TENM2: variants seen among roughly 807,000 people sequenced by gnomAD.
TENM2 encodes teneurin transmembrane protein 2.
TENM2 carries 52 observed loss-of-function variants against 245.2 expected under a neutral mutation model. That is an observed-to-expected ratio of 0.21 (90% CI 0.17 to 0.27). The LOEUF is 0.27. Among genes scored for constraint, TENM2 ranks in the 10% least tolerant of loss-of-function variants. The pLI is 1.00. For synonymous variants in TENM2, 1,363 were observed against 1,438.9 expected, an observed-to-expected ratio of 0.95 and a Z score of 1.19; for missense variants, 3,046 against 3,666.8, an observed-to-expected ratio of 0.83 and a Z score of 4.37.
the TENM2 span, among the ~76,000 whole-genome samples, chr5:167,149,935 G>A: frequency 4.6e-5 from 7 of 152,120 alleles, no homozygotes; most frequent in African/African-American, 1.4e-4. Context: ...GGAGGGCATG[G>A]CACAAAGTGA....
intron 2 of TENM2, among the ~76,000 whole-genome samples, chr5:167,554,406 T>C (rs890682662): frequency 6.6e-6 from 1 of 152,208 alleles, no homozygotes; most frequent in Non-Finnish European, 1.5e-5. Context: ...GATCAGATGC[T>C]TAGATTCTGT....
chr5:167,663,198 A>ATGAAT (rs1755356085), intron 2 of TENM2, among the ~76,000 whole-genome samples: 1 of 113,498 alleles, frequency 8.8e-6, no homozygotes, highest in African/African-American at 3.2e-5. Context: ...AAGAGAGAGA[A>ATGAAT]TGAATGCCTG....
chr5:168,221,163 G>T (rs1430770938), intron 23 of TENM2, among the ~76,000 whole-genome samples: 1 of 151,970 alleles, frequency 6.6e-6, no homozygotes, highest in African/African-American at 2.4e-5. Flanking sequence ...TTCAGTGAGA[G>T]CTTCCTTAGG....
At chr5:167,824,942 T>A (rs955688049) in intron 2 of TENM2, among the ~76,000 whole-genome samples, 1 of 152,194 alleles carries the variant, frequency 6.6e-6, no homozygotes, top group African/African-American at 2.4e-5. Context: ...AACAGGCGCC[T>A]GCAAAGGGAA....
At chr5:167,874,188 G>A (rs1773225645) in intron 2 of TENM2, among the ~76,000 whole-genome samples, 1 of 152,108 alleles carries the variant, frequency 6.6e-6, no homozygotes, top group Admixed American at 6.6e-5. Flanking sequence ...GTCATTACAT[G>A]CCGCTATTCT....
At chr5:167,404,800 G>A (rs888050903) in intron 2 of TENM2, among the ~76,000 whole-genome samples, 11 of 152,066 alleles carry the variant, frequency 7.2e-5, no homozygotes, top group Admixed American at 2.6e-4. Context: ...TTCACATAAC[G>A]TGCAATTCAC....
chr5:167,112,953 G>A, the TENM2 span, among the ~76,000 whole-genome samples: 1 of 152,186 alleles, frequency 6.6e-6, no homozygotes, highest in Middle Eastern at 3.2e-3. Context: ...AAGGGTAAAA[G>A]TGAGAGAGAA....
chr5:167,562,500 CACTA>C (rs1251991909), intron 2 of TENM2, among the ~76,000 whole-genome samples: 8 of 152,126 alleles, frequency 5.3e-5, no homozygotes, highest in African/African-American at 1.9e-4. Flanking sequence ...GTCTGTTCTG[CACTA>C]ACTAAGGTAA....
chr5:167,458,018 T>C (rs539896559), intron 2 of TENM2, among the ~76,000 whole-genome samples: 87 of 152,300 alleles, frequency 5.7e-4, no homozygotes, highest in African/African-American at 2.0e-3. Flanking sequence ...GACATTTTAC[T>C]AATTGTCTTA....
chr5:168,144,569 C>T (rs1755871311), intron 12 of TENM2, among the ~76,000 whole-genome samples: 1 of 151,378 alleles, frequency 6.6e-6, no homozygotes, highest in Admixed American at 6.6e-5. Flanking sequence ...TTTTCTTAAT[C>T]CAGTCTATCA....
At chr5:167,314,000 A>G (rs566817558) in intron 1 of TENM2, among the ~76,000 whole-genome samples, 158 of 152,218 alleles carry the variant, frequency 1.0e-3, no homozygotes, top group African/African-American at 3.6e-3. Context: ...CCTCTACCGG[A>G]TTATGTCATC....
chr5:168,103,175 T>G (rs530835355), intron 9 of TENM2, among the ~76,000 whole-genome samples: 42 of 152,316 alleles, frequency 2.8e-4, no homozygotes, highest in African/African-American at 9.9e-4. Flanking sequence ...AATGACAGTT[T>G]CCAGCTTTAA....
chr5:167,785,326 C>A (rs1764499802), intron 2 of TENM2, among the ~76,000 whole-genome samples: 1 of 152,152 alleles, frequency 6.6e-6, no homozygotes, highest in African/African-American at 2.4e-5. Context: ...ATATGCATTT[C>A]ATTTGGGGAA....
chr5:166,991,266 G>A, the TENM2 span, among the ~76,000 whole-genome samples: 3 of 149,704 alleles, frequency 2.0e-5, no homozygotes, highest in East Asian at 6.1e-4. Context: ...AAAAACTAAT[G>A]ACAAATAGAG....
intron 3 of TENM2, among the ~76,000 whole-genome samples, chr5:167,896,010 T>A (rs540232612): frequency 1.3e-5 from 2 of 152,342 alleles, no homozygotes; most frequent in East Asian, 3.9e-4. Flanking sequence ...TTAGTCTAGT[T>A]AATGGCAGCA....
At chr5:167,833,248 G>A (rs977002466) in intron 2 of TENM2, among the ~76,000 whole-genome samples, 5 of 151,758 alleles carry the variant, frequency 3.3e-5, no homozygotes, top group Non-Finnish European at 7.4e-5. Flanking sequence ...ATCCACAAAC[G>A]TTATTAAAAC....
At chr5:167,458,901 G>A (rs950685952) in intron 2 of TENM2, among the ~76,000 whole-genome samples, 12 of 152,292 alleles carry the variant, frequency 7.9e-5, no homozygotes, top group South Asian at 2.1e-4. Context: ...TCCAGAATCC[G>A]TCTTCTTATC....
intron 13 of TENM2, chr5:168,187,709 T>C (rs1459514811): frequency 6.6e-6 from 1 of 152,234 alleles, no homozygotes; most frequent in African/African-American, 2.4e-5. Flanking sequence ...CTTCTTTTTC[T>C]TATGCTGCCA....
chr5:167,007,557 T>G, the TENM2 span, among the ~76,000 whole-genome samples: 1 of 152,200 alleles, frequency 6.6e-6, no homozygotes, highest in Non-Finnish European at 1.5e-5. This position sits in a 1 kb window ranked among gnomAD's most constrained non-coding sequence, Gnocchi z 4.2. Flanking sequence ...GGTACTTTTA[T>G]GTTAATGTTT....
Sources: gnomAD v4.1 joint callset for allele counts (sites outside exome capture counted in the v4.1 genomes callset) on GRCh38, gnomAD v4.1.1 for gene constraint, Gnocchi (gnomAD v3.1) non-coding constraint, MANE v1.5 for transcripts, NCBI Gene and HGNC (gene_info 2026-07-23, HGNC 2026-07-21) for gene names.